The following RIN1 variants were observed in gnomAD, a reference collection of about 807,000 sequenced individuals.
The protein encoded by RIN1 is ras inhibitor 1.
A neutral mutation model predicts 64.9 loss-of-function variants in RIN1; 52 were observed. The ratio of observed to expected loss-of-function variants is 0.80; its 90% CI spans 0.64 to 1.01. The LOEUF is 1.01. RIN1 is among the 50% of genes least tolerant of loss of function. RIN1 has a pLI of 0.00. For missense variants in RIN1, 1,040 were observed against 1,064.5 expected (o/e 0.98, Z 0.32); for synonymous variants, 486 against 483.6 (o/e 1.00, Z -0.06).
Position 66,335,001 on chromosome 11 carries a change from G to A in RIN1, c.798C>T (p.Pro266=), listed in dbSNP as rs765088215. 72 of 1,542,034 alleles carry A rather than the reference G, an allele frequency of 4.7e-5. No homozygotes were observed. Among genetic ancestry groups the A allele is most frequent in the South Asian group, 7.5e-5 (6 of 79,502 alleles). ...GGACTGCCCCTGGCAGCACGGGGAC[G>A]GGGGGAGGTGGCACGGCAGGTGGAG... ...PLSPPAVPPP[P]VPVLPGAVPS... is the part of the protein sequence containing the mutation. The change falls in exon 6 of 10, where the codon CCC becomes CCT. Residue 266 remains proline, a synonymous_variant. Transcript: ENST00000311320.
rs1490289885 is a variant in RIN1, at chr11:66,333,274, G to A, written c.1859C>T (p.Ala620Val). The A allele has an allele frequency of 1.9e-6, 3 of 1,611,002 alleles. No homozygotes were observed. Among genetic ancestry groups the A allele is most frequent in the Non-Finnish European group, 1.7e-6 (2 of 1,179,952 alleles). Residue 620 changes from alanine (A) to valine (V), a missense_variant, in exon 9 of 10, where the codon GCC (alanine) becomes GTC (valine). Transcript: ENST00000311320. ...LSLWEQRRLPATHCFQHLLRV... is the reference protein window; with the variant it reads ...LSLWEQRRLPVTHCFQHLLRV... ...GCCTGTTACCTGGAAGCAGTGGGTG[G>A]CAGGCAGGCGGCGCTGCTCCCAGAG... is the stretch of plus-strand genomic sequence containing the variant.
chr11:66,335,060 C>G lies in RIN1; in HGVS notation c.739G>C (p.Val247Leu), dbSNP rs200864381. ...CTGGAGGTCTCTGTGGACACGCGCA[C>G]TTTGAAGCTTCTCTTGAATTTCTCC... ...KREKFKRSFK[V>L]RVSTETSSPL... Residue 247 changes from valine to leucine, a missense_variant, in exon 6 of 10, where the codon GTG becomes CTG. Coordinates refer to ENST00000311320, the MANE Select transcript of RIN1 (RefSeq NM_004292.3). The G allele has an allele frequency of 6.5e-7, 1 of 1,527,390 alleles. No homozygotes were observed. The highest frequency in any genetic ancestry group is 2.3e-5 in the East Asian group (1 of 43,994). 94.6% of individuals were successfully genotyped at this position (1,527,390 alleles called of 1,614,324 possible). A position where few individuals can be genotyped will look rare whatever the true frequency, so the allele number is the denominator to read the frequency against.
In RIN1 at chr11:66,333,958, C is replaced by A; in HGVS notation, c.1552G>T (p.Ala518Ser). ...PSAQVKRLLQACKLLYMALRT... is the reference protein window; with the variant it reads ...PSAQVKRLLQSCKLLYMALRT... ...AGGGCCATGTAGAGCAGCTTGCAGG[C>A]CTGCAGGAGCCGCTTGACCTGGGCG... The change falls in exon 7 of 10, where the codon GCC becomes TCC. Residue 518 changes from alanine to serine, a missense_variant. Physicochemically the swap from Ala to Ser is moderately conservative, Grantham distance 99. Coordinates refer to ENST00000311320, the MANE Select transcript of RIN1 (RefSeq NM_004292.3). 6.4e-7 allele frequency: 1 copy of A among 1,555,576 alleles called. No individual in the cohort carries two copies.
At position 66,334,718 on chromosome 11, in the gene RIN1, C is replaced by T. The variant is rs1252084781; in HGVS notation, c.1081G>A (p.Glu361Lys). The T allele has an allele frequency of 6.5e-7, 1 of 1,549,602 alleles. No individual in the cohort carries two copies. ...SAAFCSLLAPERQVGRAAAAL... is the reference protein window; with the variant it reads ...SAAFCSLLAPKRQVGRAAAAL... Reference sequence around the variant, plus strand: ...GCCGCAGCCCGGCCCACCTGCCGCTCCGGTGCCAGTAGGGAGCAGAAGGCG... The same window carrying T: ...GCCGCAGCCCGGCCCACCTGCCGCTTCGGTGCCAGTAGGGAGCAGAAGGCG... The change falls in exon 6 of 10, where the codon GAG (glutamate) becomes AAG (lysine). Residue 361 changes from glutamate (E) to lysine (K), a missense_variant. Glu to Lys is a moderately conservative substitution (Grantham distance 56, BLOSUM62 1). Coordinates refer to ENST00000311320, the MANE Select transcript of RIN1 (RefSeq NM_004292.3).
rs899402138 is a variant in RIN1, at chr11:66,334,746, G to A, written c.1053C>T (p.Ser351=). The A allele has an allele frequency of 7.7e-6, 12 of 1,549,360 alleles. No homozygotes were observed. In the South Asian group the frequency reaches 8.3e-5, roughly 11 times the overall value. The change falls in exon 6 of 10, where the codon AGC becomes AGT. Residue 351 remains serine (S), a synonymous_variant. Coordinates refer to ENST00000311320, the MANE Select transcript of RIN1 (RefSeq NM_004292.3). ...GTGCCAGTAGGGAGCAGAAGGCGGC[G>A]CTCATGGACCGAAGCAGAGGTCGTC... ...GRRRPLLRSM[S]AAFCSLLAPE... is the part of the protein sequence containing the mutation.
upstream of RIN1, chr11:66,336,470 G>T: frequency 2.9e-6 from 4 of 1,387,372 alleles, no homozygotes; most frequent in South Asian, 4.9e-5. Context: ...TCCCCAGTGA[G>T]TAACACTTCC....
chr11:66,334,818 C>T lies in RIN1; in HGVS notation c.981G>A (p.Val327=), dbSNP rs1380222084. ...TCGCTGGGCTCCCCCGGGACCCTGG[C>T]ACCCCCTCCTCCTCGGAGCTGCTGG... The part of the protein sequence containing the change: ...GSPSSSEEEG[V]PGSRGSPATS... Residue 327 remains valine (V), a synonymous_variant, in exon 6 of 10, where the codon GTG becomes GTA. Transcript: ENST00000311320. 17 of 1,546,320 alleles carry T rather than the reference C, an allele frequency of 1.1e-5. 1 individual carries two copies. Among genetic ancestry groups the T allele is most frequent in the Non-Finnish European group, 8.7e-6 (10 of 1,144,138 alleles).
rs1268214635 is a variant in RIN1 at position 66,335,644 on chromosome 11, G to C, written c.421C>G (p.Leu141Val). The C allele has an allele frequency of 6.2e-7, 1 of 1,613,806 alleles. No individual in the cohort carries two copies. The change falls in exon 4 of 10, where the codon CTA becomes GTA. Residue 141 changes from leucine to valine, a missense_variant. By Grantham distance (32) the Leu-to-Val change is conservative. Transcript: ENST00000311320. ...LEGSELMFPD[L>V]VQLICAYCHT... ...CAGTAGGCACAGATGAGCTGGACTAGGTCTGGGAACATGAGCTCCGAGCCC... is the reference window on the plus strand; with the variant it reads ...CAGTAGGCACAGATGAGCTGGACTACGTCTGGGAACATGAGCTCCGAGCCC...
upstream of RIN1, chr11:66,336,487 C>T (rs1372260929): frequency 3.3e-6 from 4 of 1,216,174 alleles, no homozygotes; most frequent in Non-Finnish European, 4.6e-6. Flanking sequence ...TTCCTGAGGG[C>T]GGTCCGCCTG....
At chr11:66,333,237 A>G in intron 9 of RIN1, 21 bp downstream of exon 9, 1 of 1,607,918 alleles carries the variant, frequency 6.2e-7, no homozygotes, top group Middle Eastern at 2.2e-4. Context: ...GGCTCTGAGG[A>G]CACGGTGGAG....
upstream of RIN1, chr11:66,336,526 C>T: frequency 2.4e-6 from 2 of 823,698 alleles, no homozygotes; most frequent in Non-Finnish European, 3.9e-6. Flanking sequence ...TCTTGTGTGT[C>T]CACCCTGCCT....
intron 6 of RIN1, 140 bp from the exon 7 acceptor site, chr11:66,334,364 G>T: frequency 8.1e-7 from 1 of 1,234,238 alleles, no homozygotes; most frequent in South Asian, 1.4e-5. Flanking sequence ...CGGAAGAGTT[G>T]GGGGAGAGAG....
At position 66,335,107 on chromosome 11, in the gene RIN1, C is replaced by T. The variant is rs187511880; in HGVS notation, c.692G>A (p.Gly231Glu). 142 of 1,534,130 alleles carry T rather than the reference C, an allele frequency of 9.3e-5. No individual in the cohort carries two copies. The East Asian group carries it at 3.0e-3, about 33-fold the overall frequency. The change falls in exon 6 of 10, where the codon GGG (glycine) becomes GAG (glutamate). Residue 231 changes from glycine (G) to glutamate (E), a missense_variant. Transcript: ENST00000311320. Reference protein sequence around the residue: ...ALCFFNPLFPGDLGPTKREKF... With the variant: ...ALCFFNPLFPEDLGPTKREKF... ...CTCCCGCTTGGTGGGCCCTAGGTCC[C>T]CCGGGAACAGGGGGTTGAAGAAGCA... is the stretch of plus-strand genomic sequence containing the variant.
At chr11:66,335,729 T>A in intron 3 of RIN1, 33 bp downstream of exon 3, 1 of 1,612,080 alleles carries the variant, frequency 6.2e-7, no homozygotes, top group Non-Finnish European at 8.5e-7. Context: ...ACCTCCCTGC[T>A]TCCAGCCCCT....
intron 7 of RIN1, 112 bp downstream of exon 7, chr11:66,333,807 G>T: frequency 7.1e-7 from 1 of 1,406,602 alleles, no homozygotes; most frequent in Non-Finnish European, 9.5e-7. Context: ...AGAGGGGAGG[G>T]TGGGCTCATT....
chr11:66,336,488 G>A (rs538442453), upstream of RIN1: 49 of 1,204,462 alleles, frequency 4.1e-5, no homozygotes, highest in East Asian at 3.3e-4. Flanking sequence ...TCCTGAGGGC[G>A]GTCCGCCTGT....
rs1292704978 is a variant in RIN1 at position 66,335,759 on chromosome 11, C to T, written c.382+3G>A. 1.2e-6 allele frequency: 2 copies of T among 1,613,088 alleles called. No individual in the cohort carries two copies. The highest frequency in any genetic ancestry group is 1.1e-5 in the South Asian group (1 of 90,792). On this transcript the variant is annotated splice_donor_region_variant and intron_variant, in intron 3 of 9. Coordinates refer to ENST00000311320, the MANE Select transcript of RIN1 (RefSeq NM_004292.3). ...GCCCCTTCCCGCCAGGCCAGCCCCTCACCGCCAGGGCTCTCCAGGATGTAG... is the reference window on the plus strand; with the variant it reads ...GCCCCTTCCCGCCAGGCCAGCCCCTTACCGCCAGGGCTCTCCAGGATGTAG...
In RIN1 at chr11:66,331,512, C is replaced by T. The variant is rs574360702; in HGVS notation, c.*764G>A. On this transcript the variant is annotated 3_prime_UTR_variant, in exon 10 of 10. Coordinates refer to ENST00000311320, the MANE Select transcript of RIN1 (RefSeq NM_004292.3). ...AGAGACTGTAACTTGGGTACTTTCT[C>T]CCCAGGGCCTGATTTCCAGGGGAAT... 2.0e-5 allele frequency: 3 copies of T among 152,206 alleles called. No individual in the cohort carries two copies. The highest frequency in any genetic ancestry group is 4.4e-5 in the Non-Finnish European group (3 of 68,042). 9.4% of individuals were successfully genotyped at this position (152,206 alleles called of 1,614,324 possible).
Position 66,334,146 on chromosome 11 carries a change from C to T in RIN1, c.1364G>A (p.Arg455Gln), listed in dbSNP as rs764131497. The change falls in exon 7 of 10, where the codon CGG (arginine) becomes CAG (glutamine). Residue 455 changes from arginine to glutamine, a missense_variant. Physicochemically the swap from Arg to Gln is conservative, Grantham distance 43. Coordinates refer to ENST00000311320, the MANE Select transcript of RIN1 (RefSeq NM_004292.3). Reference sequence around the variant, plus strand: ...GCCCAGGGAGCCGTCTGCGGCAAGCCGGCGCCGCAGGCGGGCTGCCAGGAT... The same window carrying T: ...GCCCAGGGAGCCGTCTGCGGCAAGCTGGCGCCGCAGGCGGGCTGCCAGGAT... ...RPILAARLRR[R>Q]LAADGSLGRL... 1.9e-5 allele frequency: 30 copies of T among 1,540,696 alleles called. No homozygotes were observed. The highest frequency in any genetic ancestry group is 4.7e-5 in the East Asian group (2 of 42,246).
Sources: gnomAD v4.1 joint callset for allele counts on GRCh38, gnomAD v4.1.1 for gene constraint, MANE v1.5 for transcripts, NCBI Gene and HGNC (gene_info 2026-07-23, HGNC 2026-07-21) for gene names.